MALRD1: variants seen among roughly 807,000 people sequenced by gnomAD.
The protein encoded by MALRD1 is MAM and LDL receptor class A domain containing 1, also known as MAM and LDL-receptor class A domain-containing protein 1.
A neutral mutation model predicts 242.1 loss-of-function variants in MALRD1; 247 were observed. That is an observed-to-expected ratio of 1.02 (90% CI 0.92 to 1.13). The LOEUF is 1.13. Among genes scored for constraint, MALRD1 ranks in the 50% most tolerant of loss-of-function variants. The pLI, the probability that MALRD1 is intolerant of heterozygous loss-of-function variation, is 0.00. For missense variants in MALRD1, 2,989 were observed against 2,533.1 expected (o/e 1.18, Z -3.86); for synonymous variants, 995 against 866.6 (o/e 1.15, Z -2.60).
In MALRD1 at chr10:19,467,355, T is replaced by G. The variant is rs1174026301; in HGVS notation, c.5029+16865T>G. On this transcript the variant is annotated intron_variant, in intron 29 of 39. Transcript: ENST00000454679. ...GGGCGACAGAGTGAGACTCCGCCACTGCACTCCAGCCTGGGCAACACAGCG... is the reference window on the plus strand; with the variant it reads ...GGGCGACAGAGTGAGACTCCGCCACGGCACTCCAGCCTGGGCAACACAGCG... Among the ~76,000 whole-genome samples the G allele has an allele frequency of 2.4e-5, 2 of 83,042 alleles. 1 individual carries two copies. Among genetic ancestry groups the G allele is most frequent in the Non-Finnish European group, 5.1e-5 (2 of 39,452 alleles). 54.5% of individuals were successfully genotyped at this position (83,042 alleles called of 152,430 possible).
At chr10:19,406,127 C>G (rs1564313070) in intron 28 of MALRD1, among the ~76,000 whole-genome samples, 1 of 152,142 alleles carries the variant, frequency 6.6e-6, no homozygotes, top group Non-Finnish European at 1.5e-5. Context: ...AAATTGTTTT[C>G]AGGGCCACCA....
At chr10:19,523,116 A>G (rs1161601563) in intron 31 of MALRD1, among the ~76,000 whole-genome samples, 1 of 152,146 alleles carries the variant, frequency 6.6e-6, no homozygotes, top group African/African-American at 2.4e-5. Context: ...ATGAGGCTGA[A>G]GTATGTACTA....
chr10:19,269,343 G>A (rs72796438), intron 19 of MALRD1, among the ~76,000 whole-genome samples: 3 of 152,142 alleles, frequency 2.0e-5, no homozygotes, highest in East Asian at 1.9e-4. Flanking sequence ...GAGCTCTCAC[G>A]CGCTCTCTCG....
intron 21 of MALRD1, among the ~76,000 whole-genome samples, chr10:19,322,471 A>G (rs1400488658): frequency 1.3e-5 from 2 of 152,204 alleles, no homozygotes; most frequent in Admixed American, 6.6e-5. Flanking sequence ...TAAATGGGCC[A>G]GGTACTGTGT....
chr10:19,567,745 T>A, intron 33 of MALRD1, 42 bp downstream of exon 33: 1 of 1,496,946 alleles, frequency 6.7e-7, no homozygotes, highest in Non-Finnish European at 9.1e-7. Context: ...TATTTGTTTT[T>A]AGTATCTAAA....
At chr10:19,335,875 T>C (rs1185279727) in intron 24 of MALRD1, among the ~76,000 whole-genome samples, 1 of 152,094 alleles carries the variant, frequency 6.6e-6, no homozygotes, top group Non-Finnish European at 1.5e-5. Flanking sequence ...TACATAGATA[T>C]ACACGTGCCA....
chr10:19,588,841 C>T (rs1020477571), intron 33 of MALRD1, among the ~76,000 whole-genome samples: 3 of 152,178 alleles, frequency 2.0e-5, no homozygotes, highest in Admixed American at 6.5e-5. Flanking sequence ...TAGGGTTTCA[C>T]CACGCTGGCC....
At chr10:19,489,272 G>T in intron 29 of MALRD1, 1 of 486,078 alleles carries the variant, frequency 2.1e-6, no homozygotes. Context: ...GAAAAGGAGA[G>T]CAAAGGGAAA....
At chr10:19,483,934 A>G (rs7922801) in intron 29 of MALRD1, among the ~76,000 whole-genome samples, 122,863 of 152,170 alleles carry the variant, frequency 0.81, 49,973 homozygotes, top group East Asian at 1. Flanking sequence ...ACTATGGAAT[A>G]CTACACAGCC....
chr10:19,370,098 A>G (rs900894669), intron 26 of MALRD1, among the ~76,000 whole-genome samples: 3 of 152,184 alleles, frequency 2.0e-5, no homozygotes, highest in South Asian at 4.1e-4. Context: ...TTCCAGCGTC[A>G]TTTGTTGAAA....
At chr10:19,414,193 C>A (rs972234642) in intron 28 of MALRD1, among the ~76,000 whole-genome samples, 2 of 152,054 alleles carry the variant, frequency 1.3e-5, no homozygotes, top group Non-Finnish European at 2.9e-5. Flanking sequence ...ATAATTCCTA[C>A]ATATTTTCCA....
At chr10:19,131,457 T>G (rs1055093487) in intron 8 of MALRD1, among the ~76,000 whole-genome samples, 2 of 152,152 alleles carry the variant, frequency 1.3e-5, no homozygotes, top group African/African-American at 2.4e-5. Flanking sequence ...TAACCATTAT[T>G]GGGTTAGATC....
At chr10:19,509,022 AG>A (rs896424310) in intron 31 of MALRD1, among the ~76,000 whole-genome samples, 2 of 152,212 alleles carry the variant, frequency 1.3e-5, no homozygotes, top group Non-Finnish European at 2.9e-5. Flanking sequence ...AGTACTTTGG[AG>A]AAAAAGAGAA....
intron 4 of MALRD1, among the ~76,000 whole-genome samples, chr10:19,102,071 C>CA (rs917495866): frequency 1.7e-4 from 15 of 88,192 alleles, no homozygotes; most frequent in Middle Eastern, 9.4e-3. Flanking sequence ...ATAATTATAA[C>CA]ATATATATGG....
chr10:19,257,889 T>C, intron 19 of MALRD1, 118 bp downstream of exon 19: 1 of 633,614 alleles, frequency 1.6e-6, no homozygotes, highest in Non-Finnish European at 2.5e-6. Context: ...TTTATTCTTT[T>C]TCTCAAAACT....
At chr10:19,151,706 G>T (rs894515098) in intron 11 of MALRD1, among the ~76,000 whole-genome samples, 1 of 152,012 alleles carries the variant, frequency 6.6e-6, no homozygotes, top group Non-Finnish European at 1.5e-5. Context: ...ATTCAAGAGT[G>T]TGCTTTTTAA....
intron 18 of MALRD1, among the ~76,000 whole-genome samples, chr10:19,237,911 GTTATATATAATTATATGT>G (rs1564491216): frequency 3.8e-4 from 33 of 86,536 alleles, no homozygotes; most frequent in South Asian, 7.5e-4. Context: ...ATTTTATATA[GTTATATATAATTATATGT>G]AATTTTATAC....
At chr10:19,270,795 C>A (rs997980937) in intron 19 of MALRD1, among the ~76,000 whole-genome samples, 1 of 141,030 alleles carries the variant, frequency 7.1e-6, no homozygotes, top group East Asian at 2.2e-4. Flanking sequence ...GTTAAGATGG[C>A]ATTCAAAGGA....
At chr10:19,528,077 A>C (rs933345150) in intron 31 of MALRD1, among the ~76,000 whole-genome samples, 1 of 152,204 alleles carries the variant, frequency 6.6e-6, no homozygotes, top group African/African-American at 2.4e-5. Context: ...TTTTGGAACA[A>C]AATGTGAAAC....
Sources: allele counts gnomAD v4.1 joint callset (sites outside exome capture counted in the v4.1 genomes callset), GRCh38; gene constraint gnomAD v4.1.1; transcripts MANE v1.5; gene names NCBI Gene and HGNC (gene_info 2026-07-23, HGNC 2026-07-21).